The following CNTNAP2 variants were observed in gnomAD, a reference collection of about 807,000 sequenced individuals.
CNTNAP2 encodes the protein contactin associated protein 2, also known as contactin-associated protein-like 2.
A neutral mutation model predicts 155.2 loss-of-function variants in CNTNAP2; 98 were observed. The ratio of observed to expected loss-of-function variants is 0.63; its 90% CI spans 0.54 to 0.75. The LOEUF (loss-of-function observed/expected upper bound fraction) is 0.75, where lower values mean the gene tolerates loss of function less well. Among genes scored for constraint, CNTNAP2 ranks in the 30% least tolerant of loss-of-function variants. The pLI, the probability that CNTNAP2 is intolerant of heterozygous loss-of-function variation, is 0.00. For synonymous variants in CNTNAP2, 651 were observed against 631.2 expected, an observed-to-expected ratio of 1.03 and a Z score of -0.47; for missense variants, 1,727 against 1,688.1, an observed-to-expected ratio of 1.02 and a Z score of -0.40.
At chr7:148,341,081 G>A (rs1043895491) in intron 21 of CNTNAP2, among the ~76,000 whole-genome samples, 1 of 152,178 alleles carries the variant, frequency 6.6e-6, no homozygotes, top group African/African-American at 2.4e-5. Context: ...TATGCACTTA[G>A]CGCTGATTGT....
intron 11 of CNTNAP2, among the ~76,000 whole-genome samples, chr7:147,516,058 C>T (rs1368546162): frequency 6.6e-6 from 1 of 152,178 alleles, no homozygotes; most frequent in Non-Finnish European, 1.5e-5. Flanking sequence ...GACTCTATTG[C>T]TGCTATTATA....
intron 2 of CNTNAP2, among the ~76,000 whole-genome samples, chr7:146,777,650 A>G (rs555095618): frequency 6.6e-6 from 1 of 151,272 alleles, no homozygotes; most frequent in Admixed American, 6.6e-5. Flanking sequence ...TACAAGCTCC[A>G]CCTCCTGGGT....
chr7:148,293,151 CT>C (rs1429737894), intron 21 of CNTNAP2, among the ~76,000 whole-genome samples: 1 of 151,988 alleles, frequency 6.6e-6, no homozygotes, highest in Non-Finnish European at 1.5e-5. Flanking sequence ...CTTTCTTTTT[CT>C]TTGTAACTCT....
chr7:146,535,247 A>G (rs1432398949), intron 1 of CNTNAP2, among the ~76,000 whole-genome samples: 3 of 53,382 alleles, frequency 5.6e-5, no homozygotes, highest in Non-Finnish European at 8.2e-5. Context: ...CATATATCAT[A>G]TATATGATAT....
intron 20 of CNTNAP2, among the ~76,000 whole-genome samples, chr7:148,243,498 G>A (rs1458928498): frequency 1.3e-5 from 2 of 152,128 alleles, no homozygotes; most frequent in African/African-American, 2.4e-5. Context: ...CACATGGCTG[G>A]GGAAGTCTCA....
intron 1 of CNTNAP2, among the ~76,000 whole-genome samples, chr7:146,550,401 G>GTTTTTTT (rs10673467): frequency 0.041 from 2,252 of 54,324 alleles, 458 homozygotes; most frequent in African/African-American, 0.08. Context: ...CCATTAATCT[G>GTTTTTTT]TTTTTTTTTT....
At position 148,314,598 on chromosome 7, in the gene CNTNAP2, G is replaced by A. The variant is rs147586030; in HGVS notation, c.3475+47472G>A. Among the ~76,000 whole-genome samples the A allele has an allele frequency of 8.0e-3, 1,213 of 151,838 alleles. 12 individuals carry two copies. Among genetic ancestry groups the A allele is most frequent in the African/African-American group, 0.028 (1,139 of 41,414 alleles). ...AGTAGAGACATGGAGAGAAGGGGTC[G>A]GGGGGTTCTTGCCCCCTAGAAAAGC... On this transcript the variant is annotated intron_variant, in intron 21 of 23. Transcript: ENST00000361727.
intron 3 of CNTNAP2, among the ~76,000 whole-genome samples, chr7:146,841,316 GTTGCCCTTAAAAT>G (rs1803717934): frequency 6.7e-6 from 1 of 149,574 alleles, no homozygotes; most frequent in Non-Finnish European, 1.5e-5. Flanking sequence ...ATTTGAAAGA[GTTGCCCTTAAAAT>G]TTGGCAGAGA....
In CNTNAP2 at chr7:147,610,867, T is replaced by G. The variant is rs145478333; in HGVS notation, c.1898-28239T>G. Among the ~76,000 whole-genome samples the G allele has an allele frequency of 3.2e-3, 489 of 152,136 alleles. 3 individuals are homozygous for G. The highest frequency in any genetic ancestry group is 0.011 in the African/African-American group (470 of 41,516). ...GATTCTCCCACCTCAGCCTCCCAAGTAGCTAGGATCACAGGTGCACGTCAT... is the reference window on the plus strand; with the variant it reads ...GATTCTCCCACCTCAGCCTCCCAAGGAGCTAGGATCACAGGTGCACGTCAT... On this transcript the variant is annotated intron_variant, in intron 12 of 23. Coordinates refer to ENST00000361727, the MANE Select transcript of CNTNAP2 (RefSeq NM_014141.6).
At chr7:146,357,445 C>G (rs188091569) in intron 1 of CNTNAP2, among the ~76,000 whole-genome samples, 16 of 152,020 alleles carry the variant, frequency 1.1e-4, no homozygotes, top group Admixed American at 8.5e-4. Context: ...AAGATCATAT[C>G]TTATCATATA....
intron 18 of CNTNAP2, among the ~76,000 whole-genome samples, chr7:148,209,344 G>A (rs370996747): frequency 2.3e-4 from 34 of 147,678 alleles, no homozygotes; most frequent in African/African-American, 8.0e-4. Flanking sequence ...ATGTTGTCCA[G>A]GCCAGTCTTA....
chr7:147,289,933 G>A (rs1805264244), intron 8 of CNTNAP2, among the ~76,000 whole-genome samples: 1 of 152,104 alleles, frequency 6.6e-6, no homozygotes, highest in Admixed American at 6.6e-5. Flanking sequence ...AAAATGAATA[G>A]CACCACTATT....
intron 1 of CNTNAP2, among the ~76,000 whole-genome samples, chr7:146,633,502 C>T (rs1340107230): frequency 2.0e-5 from 3 of 152,048 alleles, no homozygotes; most frequent in Non-Finnish European, 4.4e-5. Context: ...TAATCACAAG[C>T]TCCATAACAG....
intron 8 of CNTNAP2, among the ~76,000 whole-genome samples, chr7:147,155,178 T>C (rs1405332292): frequency 6.6e-6 from 1 of 152,122 alleles, no homozygotes; most frequent in Non-Finnish European, 1.5e-5. Context: ...TCATGAGTGA[T>C]GTTAGTGCCC....
chr7:146,480,925 C>G (rs538482466), intron 1 of CNTNAP2, among the ~76,000 whole-genome samples: 1 of 151,896 alleles, frequency 6.6e-6, no homozygotes, highest in South Asian at 2.1e-4. Context: ...CGTGATCCGC[C>G]CGCCTCGGCC....
intron 15 of CNTNAP2, among the ~76,000 whole-genome samples, chr7:148,103,417 T>C (rs1804145763): frequency 6.6e-6 from 1 of 152,098 alleles, no homozygotes; most frequent in Non-Finnish European, 1.5e-5. Context: ...TGATACAAAT[T>C]CTCAGATTTC....
At chr7:148,307,427 A>C (rs561312982) in intron 21 of CNTNAP2, among the ~76,000 whole-genome samples, 51 of 152,068 alleles carry the variant, frequency 3.4e-4, no homozygotes, top group Non-Finnish European at 5.4e-4. Context: ...ACTTCTCAGC[A>C]CTCTCCACCT....
At chr7:147,758,739 C>G (rs851656) in intron 13 of CNTNAP2, among the ~76,000 whole-genome samples, 62,970 of 151,884 alleles carry the variant, frequency 0.41, 15,918 homozygotes, top group African/African-American at 0.72. Flanking sequence ...CAGCTACTTG[C>G]GGGGCTGAGG....
chr7:147,876,053 C>G (rs1799414797), intron 13 of CNTNAP2, among the ~76,000 whole-genome samples: 1 of 152,140 alleles, frequency 6.6e-6, no homozygotes, highest in Admixed American at 6.5e-5. Flanking sequence ...TTATTTTATA[C>G]ACATTGGGAC....
Sources: gnomAD v4.1 joint callset for allele counts (sites outside exome capture counted in the v4.1 genomes callset) on GRCh38, gnomAD v4.1.1 for gene constraint, MANE v1.5 for transcripts, NCBI Gene and HGNC (gene_info 2026-07-23, HGNC 2026-07-21) for gene names.